DNAAF3: variants seen among roughly 807,000 people sequenced by gnomAD.
DNAAF3 encodes the protein dynein axonemal assembly factor 3, also known as UPF0470 protein C19orf51.
DNAAF3 carries 40 observed loss-of-function variants against 50.9 expected under a neutral mutation model. That is an observed-to-expected ratio of 0.79 (90% CI 0.61 to 1.02). DNAAF3 has a LOEUF of 1.02. Ranked by LOEUF, DNAAF3 falls within the 50% of genes least tolerant of loss-of-function variation. The pLI, the probability that DNAAF3 is intolerant of heterozygous loss-of-function variation, is 0.00. For synonymous variants in DNAAF3, 327 were observed against 322.8 expected (o/e 1.01, Z -0.14); for missense variants, 763 against 744.7 (o/e 1.02, Z -0.29).
At chr19:55,162,997 C>CTTTTTTTTTTTTTTTT (rs576178532) in intron 4 of DNAAF3, among the ~76,000 whole-genome samples, 34 of 92,162 alleles carry the variant, frequency 3.7e-4, no homozygotes, top group East Asian at 5.9e-4. Flanking sequence ...TTTTCTTTTT[C>CTTTTTTTTTTTTTTTT]TTTTTTTTTT....
chr19:55,161,003 G>A lies in DNAAF3; in HGVS notation c.912+62C>T, dbSNP rs2147295352. 4.0e-6 allele frequency: 6 copies of A among 1,489,760 alleles called. No individual in the cohort carries two copies. The highest frequency in any genetic ancestry group is 2.5e-5 in the East Asian group (1 of 40,264). The allele number at this position is 1,489,760 out of a possible 1,614,324, so 92.3% of individuals were successfully genotyped here. A position where few individuals can be genotyped will look rare whatever the true frequency, so the allele number is the denominator to read the frequency against. On this transcript the variant is annotated intron_variant, in intron 8 of 11. Transcript: ENST00000524407. This position sits in a 1 kb window ranked among gnomAD's most constrained non-coding sequence, Gnocchi z 6.4. Reference sequence around the variant, plus strand: ...GGGCGGGGCCTGCTGTGGGGGCGGGGCCTTGCGCACCCACCGACCCCCAGC... The same window carrying A: ...GGGCGGGGCCTGCTGTGGGGGCGGGACCTTGCGCACCCACCGACCCCCAGC...
At chr19:55,163,072 C>T (rs1235084278) in intron 4 of DNAAF3, among the ~76,000 whole-genome samples, 30 of 139,240 alleles carry the variant, frequency 2.2e-4, no homozygotes, top group Non-Finnish European at 3.3e-4. Flanking sequence ...TGCAGTGGCG[C>T]GATCCCGGCT....
At position 55,166,143 on chromosome 19, in the gene DNAAF3, T is replaced by C; in HGVS notation, c.86-143A>G. 6.4e-7 allele frequency: 1 copy of C among 1,557,096 alleles called. No individual in the cohort carries two copies. The highest frequency in any genetic ancestry group is 1.2e-5 in the South Asian group (1 of 85,230). The stretch of plus-strand genomic sequence containing the variant: ...TAAGGGGAGGTGTTTCCTCTGAGTA[T>C]TCTGGGATTCGCAGTCCGCAGACAG... On this transcript the variant is annotated intron_variant, in intron 2 of 11. Transcript: ENST00000524407. The surrounding 1 kb of genome is among the most constrained non-coding windows in gnomAD (Gnocchi z 4.0).
At chr19:55,162,824 G>T in intron 4 of DNAAF3, 1 of 390,968 alleles carries the variant, frequency 2.6e-6, no homozygotes, top group Non-Finnish European at 3.5e-6. Flanking sequence ...TTTTTGTTTT[G>T]AGACAGTGTC....
intron 4 of DNAAF3, chr19:55,162,649 G>A (rs756660050): frequency 1.0e-6 from 1 of 1,000,114 alleles, no homozygotes; most frequent in Non-Finnish European, 1.2e-6. Context: ...CACACTCACC[G>A]CAGACAGAGA....
At chr19:55,166,684 G>A, upstream of DNAAF3, 1 of 1,591,768 alleles carries the variant, frequency 6.3e-7, no homozygotes. The surrounding 1 kb of genome is among the most constrained non-coding windows in gnomAD (Gnocchi z 4.0). Context: ...TGACCAATGA[G>A]AGTGAGCGAG....
chr19:55,161,577 GC>G lies in DNAAF3; in HGVS notation c.663+65del. 6.8e-7 allele frequency: 1 copy of G among 1,472,922 alleles called. No individual in the cohort carries two copies. The highest frequency in any genetic ancestry group is 9.0e-7 in the Non-Finnish European group (1 of 1,111,832). 91.2% of individuals were successfully genotyped at this position (1,472,922 alleles called of 1,614,324 possible). On this transcript the variant is annotated intron_variant, in intron 6 of 11. Coordinates refer to ENST00000524407, the MANE Select transcript of DNAAF3 (RefSeq NM_001256715.2). The surrounding 1 kb of genome is among the most constrained non-coding windows in gnomAD (Gnocchi z 6.4). The stretch of plus-strand genomic sequence containing the variant: ...AACCCTCCTCCCTCAGACTCAGGAG[GC>G]CCCCAGCCCCTCCTCCCTCAGACCC...
intron 4 of DNAAF3, among the ~76,000 whole-genome samples, chr19:55,163,981 C>T (rs547186926): frequency 1.3e-5 from 2 of 152,230 alleles, no homozygotes; most frequent in Non-Finnish European, 2.9e-5. Context: ...GGGCAGATTT[C>T]TCCCTTGCTG....
At chr19:55,166,682 G>A (rs2085945530), upstream of DNAAF3, 8 of 1,591,968 alleles carry the variant, frequency 5.0e-6, no homozygotes, top group Non-Finnish European at 6.0e-6. The surrounding 1 kb of genome is among the most constrained non-coding windows in gnomAD (Gnocchi z 4.0). Context: ...ACTGACCAAT[G>A]AGAGTGAGCG....
At position 55,166,505 on chromosome 19, in the gene DNAAF3, A is replaced by G. The variant is rs756183792; in HGVS notation, c.-5+18T>C. 5.0e-6 allele frequency: 8 copies of G among 1,613,534 alleles called. No homozygotes were observed. Among genetic ancestry groups the G allele is most frequent in the South Asian group, 1.1e-5 (1 of 91,030 alleles). ...TCACTTCTCGCCCCTTTGCCTCCAC[A>G]TGATACCTTGCCCACACCTTTATCC... On this transcript the variant is annotated intron_variant, in intron 1 of 11. Transcript: ENST00000524407. The surrounding 1 kb of genome is among the most constrained non-coding windows in gnomAD (Gnocchi z 4.0).
chr19:55,159,911 T>C lies in DNAAF3; in HGVS notation c.1151A>G (p.Tyr384Cys), dbSNP rs764836821. 2 of 1,613,692 alleles carry C rather than the reference T, an allele frequency of 1.2e-6. No homozygotes were observed. Among genetic ancestry groups the C allele is most frequent in the Non-Finnish European group, 1.7e-6 (2 of 1,179,898 alleles). Residue 384 changes from tyrosine (Y) to cysteine (C), a missense_variant, in exon 10 of 12, where the codon TAT becomes TGT. Physicochemically the swap from Tyr to Cys is radical, Grantham distance 194. Transcript: ENST00000524407. ...CCTCCCCGCTTACCCACAGGCCACA[T>C]AGAGGAGCTGGAATCGGCCGTTGTA... ...SCYNGRFQLL[Y>C]VACGMVHLLI...
rs1048936417 is a variant in DNAAF3 at position 55,162,241 on chromosome 19, C to T, written c.372G>A (p.Pro124=). ...LEVWGNALLR[P]PVAAFVRAQA... is the part of the protein sequence containing the mutation. ...GGGCACGCACGAAGGCGGCCACTGG[C>T]GGGCGCAGCAGCGCGTTCCCCCACA... is the stretch of plus-strand genomic sequence containing the variant. Residue 124 remains proline (P), a synonymous_variant, in exon 5 of 12, where the codon CCG becomes CCA. Coordinates refer to ENST00000524407, the MANE Select transcript of DNAAF3 (RefSeq NM_001256715.2). 3.2e-6 allele frequency: 4 copies of T among 1,249,644 alleles called. No homozygotes were observed. Among genetic ancestry groups the T allele is most frequent in the Non-Finnish European group, 4.0e-6 (4 of 989,478 alleles). 77.4% of individuals were successfully genotyped at this position (1,249,644 alleles called of 1,614,324 possible). A position where few individuals can be genotyped will look rare whatever the true frequency, so the allele number is the denominator to read the frequency against.
chr19:55,165,871 C>T lies in DNAAF3; in HGVS notation c.215G>A (p.Arg72His). The change falls in exon 3 of 12, where the codon CGC (arginine) becomes CAC (histidine). Residue 72 changes from arginine (R) to histidine (H), a missense_variant. Transcript: ENST00000524407. The stretch of plus-strand genomic sequence containing the variant: ...ATCCCAGCTCACGTTGAACCTCCTG[C>T]GAGGCCAGAACTTCGCTCGGGACAG... ...RTLSRAKFWP[R>H]RRFNFFVLEN... The T allele has an allele frequency of 1.9e-6, 3 of 1,614,080 alleles. No individual in the cohort carries two copies. Among genetic ancestry groups the T allele is most frequent in the Non-Finnish European group, 2.5e-6 (3 of 1,180,012 alleles).
chr19:55,166,697 C>T (rs771899637), upstream of DNAAF3: 15 of 1,574,468 alleles, frequency 9.5e-6, no homozygotes, highest in Non-Finnish European at 1.2e-5. This position sits in a 1 kb window ranked among gnomAD's most constrained non-coding sequence, Gnocchi z 4.0. Flanking sequence ...TGAGCGAGGC[C>T]CGCCCTCTAC....
At chr19:55,163,283 C>G (rs374179591) in intron 4 of DNAAF3, among the ~76,000 whole-genome samples, 1 of 149,698 alleles carries the variant, frequency 6.7e-6, no homozygotes, top group African/African-American at 2.5e-5. Context: ...GCTGGGATTA[C>G]AGGCGTGAGC....
Position 55,165,416 on chromosome 19 carries a change from C to T in DNAAF3, c.276G>A (p.Leu92=). 6.2e-7 allele frequency: 1 copy of T among 1,614,150 alleles called. No individual in the cohort carries two copies. The highest frequency in any genetic ancestry group is 2.2e-5 in the East Asian group (1 of 44,882). ...GTTCCTCCAGGGCTAGGCTGAAGAT[C>T]AGCATGTGTCGGGCCACAGCTTCCA... ...NNLEAVARHM[L]IFSLALEEPE... The change falls in exon 4 of 12, where the codon CTG becomes CTA. Residue 92 remains leucine, a synonymous_variant. Transcript: ENST00000524407.
chr19:55,160,950 C>G lies in DNAAF3; in HGVS notation c.912+115G>C. ...TGTTCTCTGAATGGAGTCGTTCCCA[C>G]CAAGCGACGGGCGGGGTCTGGAGCT... On this transcript the variant is annotated intron_variant, in intron 8 of 11. Coordinates refer to ENST00000524407, the MANE Select transcript of DNAAF3 (RefSeq NM_001256715.2). The surrounding 1 kb of genome is among the most constrained non-coding windows in gnomAD (Gnocchi z 4.7). The G allele has an allele frequency of 6.9e-7, 1 of 1,454,152 alleles. No homozygotes were observed. The highest frequency in any genetic ancestry group is 9.0e-7 in the Non-Finnish European group (1 of 1,106,526). 90.1% of individuals were successfully genotyped at this position (1,454,152 alleles called of 1,614,324 possible). A position where few individuals can be genotyped will look rare whatever the true frequency, so the allele number is the denominator to read the frequency against.
Position 55,161,895 on chromosome 19 carries a change from A to C in DNAAF3, c.481-70T>G. The C allele has an allele frequency of 1.5e-6, 2 of 1,362,112 alleles. No individual in the cohort carries two copies. Among genetic ancestry groups the C allele is most frequent in the South Asian group, 1.7e-5 (1 of 60,460 alleles). The allele number at this position is 1,362,112 out of a possible 1,614,324, so 84.4% of individuals were successfully genotyped here. A position where few individuals can be genotyped will look rare whatever the true frequency, so the allele number is the denominator to read the frequency against. ...ATGCAGGGAGAGCGGATTCTAATTG[A>C]CCCTCTCTTCCATCCCAGAACAGGG... On this transcript the variant is annotated intron_variant, in intron 5 of 11. Transcript: ENST00000524407. The surrounding 1 kb of genome is among the most constrained non-coding windows in gnomAD (Gnocchi z 6.4).
In DNAAF3 at chr19:55,159,401, C is replaced by T. The variant is rs754336193; in HGVS notation, c.1287G>A (p.Arg429=). 16 of 1,614,142 alleles carry T rather than the reference C, an allele frequency of 9.9e-6. No homozygotes were observed. In the South Asian group the frequency reaches 1.8e-4, roughly 18 times the overall value. ...CAGCTGCCTGAGCTAGCTCCCTGAC[C>T]CGGGTGTTGAATCCCTGCAGCTGCT... ...RQEQLQGFNT[R]VRELAQAAGF... The change falls in exon 12 of 12, where the codon CGG becomes CGA. Residue 429 remains arginine, a synonymous_variant. Coordinates refer to ENST00000524407, the MANE Select transcript of DNAAF3 (RefSeq NM_001256715.2).
Sources: allele counts gnomAD v4.1 joint callset (sites outside exome capture counted in the v4.1 genomes callset), GRCh38; gene constraint gnomAD v4.1.1; non-coding constraint Gnocchi (gnomAD v3.1); transcripts MANE v1.5; gene names NCBI Gene and HGNC (gene_info 2026-07-23, HGNC 2026-07-21).